Variants in TPP2 observed in about 807,000 individuals in gnomAD.
TPP2 encodes the protein tripeptidyl-peptidase 2.
TPP2 carries 34 observed loss-of-function variants against 155.9 expected under a neutral mutation model. The observed-to-expected ratio is 0.22, with a 90% CI of 0.17 to 0.29. The LOEUF (loss-of-function observed/expected upper bound fraction) is 0.29. Ranked by LOEUF, TPP2 falls within the 10% of genes least tolerant of loss-of-function variation. The pLI is 1.00. For synonymous variants in TPP2, 510 were observed against 529.4 expected (o/e 0.96, Z 0.50); for missense variants, 1,028 against 1,522.3 (o/e 0.68, Z 5.40).
chr13:102,618,898 C>T lies in TPP2; in HGVS notation c.620+52C>T, dbSNP rs1173722378. ...TCATTTACAAATGTTTTCTTTTCTA[C>T]TCTGAAAAACATTAAATGCTCAGAG... On this transcript the variant is annotated intron_variant, in intron 5 of 29. Coordinates refer to ENST00000376052, the MANE Select transcript of TPP2 (RefSeq NM_001330588.2). The T allele has an allele frequency of 2.6e-6, 4 of 1,558,170 alleles. No individual in the cohort carries two copies. In the African/African-American group the frequency reaches 5.5e-5, roughly 22 times the overall value.
In TPP2 at chr13:102,678,398, C is replaced by A; in HGVS notation, c.*82C>A. 8.4e-7 allele frequency: 1 copy of A among 1,188,660 alleles called. No individual in the cohort carries two copies. Among genetic ancestry groups the A allele is most frequent in the Non-Finnish European group, 1.2e-6 (1 of 814,220 alleles). The allele number at this position is 1,188,660 out of a possible 1,614,324, so 73.6% of individuals were successfully genotyped here. On this transcript the variant is annotated 3_prime_UTR_variant, in exon 30 of 30. Transcript: ENST00000376052. ...AAAACAAATTTGTGGCATTTTTAGT[C>A]TAATGCATGTTTTCATCCACTATCC...
chr13:102,671,774 T>C (rs1174667668), intron 27 of TPP2, among the ~76,000 whole-genome samples: 4 of 152,126 alleles, frequency 2.6e-5, no homozygotes, highest in African/African-American at 9.7e-5. Context: ...CTCTTTGTTA[T>C]CTTTGCCCGG....
chr13:102,650,922 T>TA (rs1213087907), intron 23 of TPP2, among the ~76,000 whole-genome samples: 1 of 152,244 alleles, frequency 6.6e-6, no homozygotes, highest in African/African-American at 2.4e-5. Context: ...CTCAGTGGTT[T>TA]AGCGTTTTCT....
chr13:102,647,402 A>C, intron 21 of TPP2, 58 bp downstream of exon 21: 1 of 1,565,140 alleles, frequency 6.4e-7, no homozygotes, highest in Non-Finnish European at 8.6e-7. Flanking sequence ...AACTAACAAA[A>C]TCCTGGTTTC....
At chr13:102,643,041 A>G (rs1852818358) in intron 16 of TPP2, among the ~76,000 whole-genome samples, 181 bp from the exon 17 acceptor site, 1 of 152,088 alleles carries the variant, frequency 6.6e-6, no homozygotes, top group Admixed American at 6.6e-5. Flanking sequence ...TTCTACCTTT[A>G]TTAATATTTT....
At chr13:102,626,955 GA>G (rs1158096432) in intron 6 of TPP2, 56 bp from the exon 7 acceptor site, 15 of 1,429,788 alleles carry the variant, frequency 1.0e-5, no homozygotes, top group Non-Finnish European at 1.4e-5. Flanking sequence ...AAATTGAATT[GA>G]ATAAACTTTC....
intron 5 of TPP2, among the ~76,000 whole-genome samples, chr13:102,621,762 G>T (rs190986990): frequency 6.6e-6 from 1 of 152,258 alleles, no homozygotes; most frequent in Admixed American, 6.5e-5. Context: ...GGGACTGTGC[G>T]GTTAGATGGG....
intron 24 of TPP2, among the ~76,000 whole-genome samples, chr13:102,652,767 A>G (rs1448723800): frequency 6.6e-6 from 1 of 152,108 alleles, no homozygotes; most frequent in East Asian, 1.9e-4. Context: ...GGGTGTCTTG[A>G]CCGTTTGGGG....
chr13:102,672,819 C>A (rs1387866850), intron 27 of TPP2, among the ~76,000 whole-genome samples: 1 of 152,204 alleles, frequency 6.6e-6, no homozygotes, highest in African/African-American at 2.4e-5. Flanking sequence ...ACTTGTAAAT[C>A]CTTTTCTTCT....
intron 29 of TPP2, among the ~76,000 whole-genome samples, chr13:102,677,780 C>T (rs1331558386): frequency 6.6e-6 from 1 of 152,180 alleles, no homozygotes; most frequent in Non-Finnish European, 1.5e-5. Flanking sequence ...TGATAAATAT[C>T]TTATTACTTG....
chr13:102,672,299 TAACA>T (rs1285064393), intron 27 of TPP2, among the ~76,000 whole-genome samples: 9 of 152,172 alleles, frequency 5.9e-5, no homozygotes, highest in Non-Finnish European at 1.0e-4. Flanking sequence ...AATTTGTGGG[TAACA>T]AACATTGTCG....
chr13:102,622,870 T>C lies in TPP2; in HGVS notation c.621-7T>C, dbSNP rs761237031. On this transcript the variant is annotated splice_region_variant and splice_polypyrimidine_tract_variant and intron_variant, in intron 5 of 29. Transcript: ENST00000376052. The stretch of plus-strand genomic sequence containing the variant: ...TTTTACTGTCTCCATTTCTTTTTAA[T>C]TAATAGAGCCTGCATTGATTCTAAT... 72 of 1,591,338 alleles carry C rather than the reference T, an allele frequency of 4.5e-5. No individual in the cohort carries two copies. Among genetic ancestry groups the C allele is most frequent in the Non-Finnish European group, 5.9e-5 (69 of 1,174,002 alleles).
chr13:102,655,043 C>A (rs1417917193), intron 24 of TPP2: 2 of 498,972 alleles, frequency 4.0e-6, no homozygotes, highest in Non-Finnish European at 8.0e-6. Context: ...GCCCCCTGAC[C>A]TCAGAGGGAG....
chr13:102,623,198 G>A (rs1426599041), intron 6 of TPP2, among the ~76,000 whole-genome samples, 158 bp downstream of exon 6: 1 of 152,198 alleles, frequency 6.6e-6, no homozygotes, highest in Non-Finnish European at 1.5e-5. Flanking sequence ...TTACCTGCAA[G>A]ATGTTGTTTT....
intron 22 of TPP2, 50 bp from the exon 23 acceptor site, chr13:102,649,358 T>A (rs888319716): frequency 5.1e-6 from 8 of 1,570,000 alleles, no homozygotes; most frequent in Non-Finnish European, 6.9e-6. Context: ...CTTGTCTTTG[T>A]GAAACTTTCT....
Position 102,622,820 on chromosome 13 carries a change from A to G in TPP2, c.621-57A>G. On this transcript the variant is annotated intron_variant, in intron 5 of 29. Transcript: ENST00000376052. ...AATAGTGGAGAGACTATGTTACATG[A>G]TTTTTAGAAAGGTAAGAAAATAAAT... is the stretch of plus-strand genomic sequence containing the variant. 5 of 1,544,680 alleles carry G rather than the reference A, an allele frequency of 3.2e-6. No homozygotes were observed. The South Asian group carries it at 5.0e-5, about 15-fold the overall frequency.
intron 17 of TPP2, among the ~76,000 whole-genome samples, chr13:102,643,852 TTTC>T (rs1391131987): frequency 6.6e-6 from 1 of 152,228 alleles, no homozygotes; most frequent in Non-Finnish European, 1.5e-5. Flanking sequence ...ATGACTAGTC[TTTC>T]TTCCATAGAA....
At chr13:102,633,079 G>C (rs988653438) in intron 10 of TPP2, among the ~76,000 whole-genome samples, 2 of 152,222 alleles carry the variant, frequency 1.3e-5, no homozygotes, top group African/African-American at 4.8e-5. Context: ...ATGGTATAAG[G>C]AGAGTCTGGC....
chr13:102,601,674 A>G (rs1338649898), intron 1 of TPP2, among the ~76,000 whole-genome samples: 1 of 152,148 alleles, frequency 6.6e-6, no homozygotes, highest in Non-Finnish European at 1.5e-5. Context: ...CTCAGAGATG[A>G]GTGATATAGT....
Sources: allele counts gnomAD v4.1 joint callset (sites outside exome capture counted in the v4.1 genomes callset), GRCh38; gene constraint gnomAD v4.1.1; transcripts MANE v1.5; gene names NCBI Gene and HGNC (gene_info 2026-07-23, HGNC 2026-07-21).